ZC3H12B: variants seen among roughly 807,000 people sequenced by gnomAD.
ZC3H12B encodes the protein probable ribonuclease ZC3H12B.
In ZC3H12B, 7 loss-of-function variants were observed where a neutral mutation model predicts 43.9. The ratio of observed to expected loss-of-function variants is 0.16; its 90% CI spans 0.09 to 0.30. ZC3H12B has a LOEUF of 0.30. Ranked by LOEUF, ZC3H12B falls within the 10% of genes least tolerant of loss-of-function variation. ZC3H12B has a pLI of 1.00. For missense variants in ZC3H12B, 475 were observed against 670.2 expected (o/e 0.71, Z 3.22); for synonymous variants, 222 against 241.7 (o/e 0.92, Z 0.76).
At chrX:65,390,097 T>C (rs1181905315) in intron 2 of ZC3H12B, among the ~76,000 whole-genome samples, 1 of 111,852 alleles carries the variant, frequency 8.9e-6, no homozygotes, top group African/African-American at 3.3e-5. Context: ...TGAGTTCATG[T>C]CCTTTGTAGG....
chrX:65,507,772 T>C (rs2068440407), exon 5 of ZC3H12B: 1 of 112,571 alleles, frequency 8.9e-6, no homozygotes, highest in South Asian at 3.7e-4. Context: ...GAATGTGCTA[T>C]GACTACTTCA....
At chrX:65,173,635 A>G in the ZC3H12B span, among the ~76,000 whole-genome samples, 1 of 111,724 alleles carries the variant, frequency 9.0e-6, no homozygotes, top group African/African-American at 3.3e-5. Flanking sequence ...GCATGAAGGG[A>G]TGTTGAATTT....
chrX:65,166,331 G>A, the ZC3H12B span, among the ~76,000 whole-genome samples: 1 of 111,391 alleles, frequency 9.0e-6, no homozygotes, highest in African/African-American at 3.3e-5. Context: ...TCCTCAGAAT[G>A]ATGGTTTCCA....
chrX:65,211,684 TATATA>T, the ZC3H12B span, among the ~76,000 whole-genome samples: 1 of 88,129 alleles, frequency 1.1e-5, no homozygotes, highest in African/African-American at 4.2e-5. Flanking sequence ...TATAATTATA[TATATA>T]ATATTATATA....
chrX:65,488,801 G>T (rs779431718), exon 1 of ZC3H12B: 1 of 1,178,266 alleles, frequency 8.5e-7, no homozygotes, highest in South Asian at 1.9e-5. Context: ...CACTAAACGG[G>T]ATGACGGCCA....
chrX:65,158,404 T>G, the ZC3H12B span, among the ~76,000 whole-genome samples: 2 of 111,449 alleles, frequency 1.8e-5, no homozygotes, highest in Admixed American at 1.9e-4. Context: ...GTAAAAGTGT[T>G]CCTATTTCTC....
the ZC3H12B span, among the ~76,000 whole-genome samples, chrX:65,353,867 G>T: frequency 1.8e-5 from 2 of 111,603 alleles, no homozygotes; most frequent in East Asian, 5.7e-4. Context: ...ACTGGGCAGA[G>T]CCCACCACAG....
the ZC3H12B span, among the ~76,000 whole-genome samples, chrX:65,286,036 A>G: frequency 1.8e-5 from 2 of 111,984 alleles, no homozygotes. Context: ...CGGAACTACC[A>G]TTCAATCCAG....
chrX:65,184,879 C>T, the ZC3H12B span: 2 of 111,642 alleles, frequency 1.8e-5, no homozygotes, highest in South Asian at 7.5e-4. Flanking sequence ...TTTTAATTGA[C>T]ACCTAATAAT....
intron 3 of ZC3H12B, among the ~76,000 whole-genome samples, chrX:65,452,918 A>T (rs1403051909): frequency 9.1e-6 from 1 of 110,219 alleles, no homozygotes; most frequent in African/African-American, 3.3e-5. Flanking sequence ...TGTAAAAATG[A>T]ACATACTGCT....
rs763561641 is a variant in ZC3H12B, at chrX:65,473,267, C to T, written n.408-15379C>T. ...CTGACCTCAGGTGATCCACCCACCT[C>T]GGCCTCCCAAAGTGCTGGGATCACA... On this transcript the variant is annotated intron_variant and non_coding_transcript_variant, in intron 3 of 5. Transcript: ENST00000617377. 1.1e-4 allele frequency among the ~76,000 whole-genome samples: 12 copies of T among 109,572 alleles called. No homozygotes were observed. The East Asian group carries it at 2.0e-3, about 18-fold the overall frequency.
the ZC3H12B span, among the ~76,000 whole-genome samples, chrX:65,154,776 T>C: frequency 8.1e-5 from 9 of 111,488 alleles, no homozygotes; most frequent in Non-Finnish European, 1.5e-4. Flanking sequence ...GCCTAGAAGG[T>C]TGAGGCTGCA....
At chrX:65,207,715 A>C in the ZC3H12B span, among the ~76,000 whole-genome samples, 1 of 86,881 alleles carries the variant, frequency 1.2e-5, no homozygotes, top group African/African-American at 4.5e-5. Flanking sequence ...TCTGTGAAGA[A>C]AGTCATTGGT....
chrX:65,413,633 G>A (rs759911037), intron 3 of ZC3H12B, among the ~76,000 whole-genome samples: 11 of 112,141 alleles, frequency 9.8e-5, no homozygotes, highest in Non-Finnish European at 1.5e-4. Context: ...TGTTACATTG[G>A]TCTATATGCT....
At chrX:65,162,767 C>T in the ZC3H12B span, among the ~76,000 whole-genome samples, 15,856 of 107,381 alleles carry the variant, frequency 0.15, 2,631 homozygotes, top group African/African-American at 0.56. Context: ...TCTCTCACCT[C>T]GTCAAAGTCA....
the ZC3H12B span, among the ~76,000 whole-genome samples, chrX:65,285,388 G>T: frequency 9.1e-6 from 1 of 110,452 alleles, no homozygotes; most frequent in African/African-American, 3.3e-5. Context: ...AACTTCAAGT[G>T]CACAAAAGTC....
intron 3 of ZC3H12B, among the ~76,000 whole-genome samples, chrX:65,426,768 G>A (rs2067088660): frequency 8.9e-6 from 1 of 111,949 alleles, no homozygotes; most frequent in Non-Finnish European, 1.9e-5. Context: ...TTTTCATGTA[G>A]TTGTATGGTT....
chrX:65,296,311 A>T, the ZC3H12B span, among the ~76,000 whole-genome samples: 1 of 110,982 alleles, frequency 9.0e-6, no homozygotes, highest in East Asian at 2.8e-4. Flanking sequence ...AGCTATGAGG[A>T]AGCAAAGACA....
intron 3 of ZC3H12B, among the ~76,000 whole-genome samples, chrX:65,434,005 C>T (rs1483150710): frequency 2.7e-5 from 3 of 111,768 alleles, no homozygotes; most frequent in Non-Finnish European, 5.6e-5. Flanking sequence ...ATACCATGAT[C>T]GATGCCATAG....
Sources: allele counts gnomAD v4.1 joint callset (sites outside exome capture counted in the v4.1 genomes callset), GRCh38; gene constraint gnomAD v4.1.1; transcripts MANE v1.5; gene names NCBI Gene and HGNC (gene_info 2026-07-23, HGNC 2026-07-21).